The following EGF variants were observed in gnomAD, a reference collection of about 807,000 sequenced individuals.
EGF encodes pro-epidermal growth factor.
EGF carries 95 observed loss-of-function variants against 143.8 expected under a neutral mutation model. That is an observed-to-expected ratio of 0.66 (90% CI 0.56 to 0.78). The LOEUF (loss-of-function observed/expected upper bound fraction) is 0.78, where lower values mean the gene tolerates loss of function less well. EGF is among the 30% of genes least tolerant of loss of function. EGF has a pLI of 0.00. For missense variants in EGF, 1,320 were observed against 1,470.9 expected (o/e 0.90, Z 1.68); for synonymous variants, 510 against 510.5 (o/e 1.00, Z 0.01).
intron 10 of EGF, among the ~76,000 whole-genome samples, chr4:109,967,113 T>C (rs1746727988): frequency 6.6e-6 from 1 of 152,248 alleles, no homozygotes; most frequent in Non-Finnish European, 1.5e-5. Context: ...ATGATTTCTT[T>C]GCCTAGGCAA....
intron 9 of EGF, among the ~76,000 whole-genome samples, chr4:109,963,812 G>T (rs1357243507): frequency 6.6e-6 from 1 of 152,064 alleles, no homozygotes; most frequent in African/African-American, 2.4e-5. Flanking sequence ...TCTCCTGAAG[G>T]TTCATTATGT....
chr4:109,961,369 A>C (rs1203219223), intron 7 of EGF, among the ~76,000 whole-genome samples: 1 of 152,122 alleles, frequency 6.6e-6, no homozygotes, highest in Non-Finnish European at 1.5e-5. Flanking sequence ...AAAACAAAAC[A>C]AAAACCATGG....
Position 109,940,974 on chromosome 4 carries a change from T to G in EGF, c.156T>G (p.His52Gln). The G allele has an allele frequency of 1.2e-6, 2 of 1,614,076 alleles. No homozygotes were observed. The highest frequency in any genetic ancestry group is 1.7e-6 in the Non-Finnish European group (2 of 1,179,966). The change falls in exon 2 of 24, where the codon CAT becomes CAG. Residue 52 changes from histidine to glutamine, a missense_variant. Around this residue, in one of 5 missense-constraint regions of EGF, gnomAD observed 79 missense variants for 71.2 expected, o/e 1.11. Transcript: ENST00000265171. ...CTGCACCCTTCTTAATTTTCTCCCATGGAAATAGTATCTTTAGGATTGACA... is the reference window on the plus strand; with the variant it reads ...CTGCACCCTTCTTAATTTTCTCCCAGGGAAATAGTATCTTTAGGATTGACA... ...VGPAPFLIFS[H>Q]GNSIFRIDTE...
chr4:109,998,203 T>C lies in EGF; in HGVS notation c.3006-1476T>C, dbSNP rs116316058. Among the ~76,000 whole-genome samples the C allele has an allele frequency of 6.5e-3, 994 of 152,224 alleles. 16 individuals are homozygous for C. Among genetic ancestry groups the C allele is most frequent in the African/African-American group, 0.023 (947 of 41,530 alleles). ...TGTGGCCCATTAACATCCAACAGTT[T>C]AAAAGTGGTGCTGCTAGGCATTGAT... On this transcript the variant is annotated intron_variant, in intron 20 of 23. Coordinates refer to ENST00000265171, the MANE Select transcript of EGF (RefSeq NM_001963.6).
intron 21 of EGF, among the ~76,000 whole-genome samples, chr4:110,001,057 G>T (rs1329585516): frequency 6.6e-6 from 1 of 152,220 alleles, no homozygotes; most frequent in Non-Finnish European, 1.5e-5. Context: ...TCCTGCTATA[G>T]CCTAGTGTAG....
rs1465373296 is a variant in EGF at position 109,961,760 on chromosome 4, A to C, written c.1190-103A>C. On this transcript the variant is annotated intron_variant, in intron 7 of 23. Coordinates refer to ENST00000265171, the MANE Select transcript of EGF (RefSeq NM_001963.6). ...ACACCTGTAATCCCAACACTTTGGG[A>C]GGTCAAGGCAGGAGGATCACCTGGC... is the stretch of plus-strand genomic sequence containing the variant. The C allele has an allele frequency of 4.8e-6, 7 of 1,470,548 alleles. No individual in the cohort carries two copies. In the Admixed American group the frequency reaches 1.2e-4, roughly 25 times the overall value. The allele number at this position is 1,470,548 out of a possible 1,614,324, so 91.1% of individuals were successfully genotyped here.
At position 109,970,835 on chromosome 4, in the gene EGF, A is replaced by G. The variant is rs550280312; in HGVS notation, c.1724+1716A>G. ...GCGAGACTCCGTCTCAAAAAAAAAA[A>G]AAAAAAAAAAATCTGTTGATTTGTT... is the stretch of plus-strand genomic sequence containing the variant. On this transcript the variant is annotated intron_variant, in intron 11 of 23. Coordinates refer to ENST00000265171, the MANE Select transcript of EGF (RefSeq NM_001963.6). 9.6e-4 allele frequency among the ~76,000 whole-genome samples: 145 copies of G among 151,810 alleles called. 5 individuals are homozygous for G. The South Asian group carries it at 0.021, about 22-fold the overall frequency.
At chr4:109,927,819 G>A (rs1175732039) in intron 1 of EGF, among the ~76,000 whole-genome samples, 1 of 146,684 alleles carries the variant, frequency 6.8e-6, no homozygotes, top group East Asian at 1.9e-4. Context: ...GTGTGTGTGT[G>A]TGTGTGTGTG....
chr4:109,980,822 C>T lies in EGF; in HGVS notation c.2222-4C>T, dbSNP rs1194039399. The T allele has an allele frequency of 3.1e-6, 5 of 1,613,856 alleles. No individual in the cohort carries two copies. The African/African-American group carries it at 5.3e-5, about 17-fold the overall frequency. The stretch of plus-strand genomic sequence containing the variant: ...CTTGTGAATTTGTTTCTTTTCTCTA[C>T]TAGGAGCAGATCCCTGCTTATATCA... On this transcript the variant is annotated splice_polypyrimidine_tract_variant and splice_region_variant and intron_variant, in intron 14 of 23. Transcript: ENST00000265171.
At chr4:109,952,130 G>A (rs1366355398) in intron 5 of EGF, among the ~76,000 whole-genome samples, 1 of 152,130 alleles carries the variant, frequency 6.6e-6, no homozygotes, top group Non-Finnish European at 1.5e-5. Flanking sequence ...ACAAATCTCA[G>A]AAATAGTGTG....
chr4:110,001,738 A>C, intron 21 of EGF: 1 of 985,438 alleles, frequency 1.0e-6, no homozygotes, highest in Non-Finnish European at 1.2e-6. Flanking sequence ...GACTTTACAT[A>C]CATATAAGAG....
Position 110,008,353 on chromosome 4 carries a change from C to G in EGF, c.3370+123C>G, listed in dbSNP as rs11569123. ...AAACAAAATAACTAAATTGTATAAG[C>G]TATGTGAATAGCTGGGCTGTATTGA... On this transcript the variant is annotated intron_variant, in intron 23 of 23. Transcript: ENST00000265171. The G allele has an allele frequency of 3.8e-3, 4,639 of 1,215,628 alleles. 126 individuals carry two copies. In the African/African-American group the frequency reaches 0.062, roughly 16 times the overall value. 75.3% of individuals were successfully genotyped at this position (1,215,628 alleles called of 1,614,324 possible).
At chr4:109,982,283 A>G (rs1749487777) in intron 15 of EGF, among the ~76,000 whole-genome samples, 1 of 151,790 alleles carries the variant, frequency 6.6e-6, no homozygotes. Flanking sequence ...TGCTGGGATT[A>G]TAGGTGTAAG....
chr4:110,013,644 T>G lies in EGF; in HGVS notation c.*2189T>G, dbSNP rs1264035874. 6.6e-6 allele frequency among the ~76,000 whole-genome samples: 1 copy of G among 152,032 alleles called. No individual in the cohort carries two copies. The highest frequency in any genetic ancestry group is 1.9e-4 in the East Asian group (1 of 5,156). On this transcript the variant is annotated 3_prime_UTR_variant, in exon 24 of 24. Coordinates refer to ENST00000265171, the MANE Select transcript of EGF (RefSeq NM_001963.6). Reference sequence around the variant, plus strand: ...AGACTGAATACTTTTCCTCCCTAACTCTCATCGTCTCATTGCGCGCAACGC... The same window carrying G: ...AGACTGAATACTTTTCCTCCCTAACGCTCATCGTCTCATTGCGCGCAACGC...
chr4:109,940,313 T>G (rs11568882), intron 1 of EGF, among the ~76,000 whole-genome samples: 253 of 152,234 alleles, frequency 1.7e-3, no homozygotes, highest in African/African-American at 5.8e-3. Context: ...GAGAACAAAT[T>G]TTTAGTGTAT....
intron 1 of EGF, among the ~76,000 whole-genome samples, chr4:109,922,265 G>A (rs1312604796): frequency 6.6e-6 from 1 of 151,556 alleles, no homozygotes; most frequent in Non-Finnish European, 1.5e-5. Flanking sequence ...TATCTCTCCT[G>A]GTTACTCTAA....
chr4:109,916,510 C>T (rs971057544), intron 1 of EGF, among the ~76,000 whole-genome samples: 5 of 151,998 alleles, frequency 3.3e-5, no homozygotes, highest in African/African-American at 1.2e-4. Flanking sequence ...GTCAGTATTG[C>T]GTTAATGTAT....
At chr4:109,969,368 C>G (rs563762535) in intron 11 of EGF, among the ~76,000 whole-genome samples, 2 of 152,250 alleles carry the variant, frequency 1.3e-5, no homozygotes, top group South Asian at 4.2e-4. Flanking sequence ...AAACCAAACA[C>G]TGCATGTTCT....
Position 109,988,721 on chromosome 4 carries a change from C to A in EGF, c.2734+12C>A. 1 of 1,613,652 alleles carries A rather than the reference C, an allele frequency of 6.2e-7. No homozygotes were observed. Among genetic ancestry groups the A allele is most frequent in the South Asian group, 1.1e-5 (1 of 91,084 alleles). On this transcript the variant is annotated intron_variant, in intron 18 of 23. Transcript: ENST00000265171. ...GATTCACTGTCTTGGTAAGAGGACA[C>A]ATGTGCTGGGGAGGAGGGCAGAGGC...
Sources: gnomAD v4.1 joint callset for allele counts (sites outside exome capture counted in the v4.1 genomes callset) on GRCh38, gnomAD v4.1.1 for gene constraint, gnomAD v4.1.1 regional missense constraint, MANE v1.5 for transcripts, NCBI Gene and HGNC (gene_info 2026-07-23, HGNC 2026-07-21) for gene names.